Variants in RAD50 observed in about 807,000 individuals in gnomAD.
The protein encoded by RAD50 is DNA repair protein RAD50.
In RAD50, 132 loss-of-function variants were observed where a neutral mutation model predicts 168.8. That is an observed-to-expected ratio of 0.78 (90% CI 0.68 to 0.90). The LOEUF (loss-of-function observed/expected upper bound fraction) is 0.90. Ranked by LOEUF, RAD50 falls within the 40% of genes least tolerant of loss-of-function variation. The pLI is 0.00. For synonymous variants in RAD50, 525 were observed against 497.4 expected (o/e 1.06, Z -0.74); for missense variants, 1,347 against 1,534.4 (o/e 0.88, Z 2.04).
At chr5:132,635,444 T>A (rs1476098043) in intron 21 of RAD50, among the ~76,000 whole-genome samples, 1 of 152,220 alleles carries the variant, frequency 6.6e-6, no homozygotes, top group Non-Finnish European at 1.5e-5. Context: ...GAAGATGAGT[T>A]AATGGTCCGT....
intron 21 of RAD50, among the ~76,000 whole-genome samples, chr5:132,632,508 A>G (rs541763870): frequency 6.6e-6 from 1 of 152,262 alleles, no homozygotes; most frequent in South Asian, 2.1e-4. Flanking sequence ...TAACGTGGTG[A>G]TAATCTTTTA....
rs759753449 is a variant in RAD50, at chr5:132,638,093, T to C, written c.3488T>C (p.Ile1163Thr). The change falls in exon 23 of 25, where the codon ATA (isoleucine) becomes ACA (threonine). Residue 1163 changes from isoleucine to threonine, a missense_variant. By Grantham distance (89) the Ile-to-Thr change is moderately conservative. Around this residue, in one of 3 missense-constraint regions of RAD50, gnomAD observed 635 missense variants for 739.2 expected, o/e 0.86. Coordinates refer to ENST00000378823, the MANE Select transcript of RAD50 (RefSeq NM_005732.4). Reference sequence around the variant, plus strand: ...CTTCCTGTGTCAGATATTGAATACATAGAAATACGGTCTGATGCCGATGAA... The same window carrying C: ...CTTCCTGTGTCAGATATTGAATACACAGAAATACGGTCTGATGCCGATGAA... Reference protein sequence around the residue: ...STYRGQDIEYIEIRSDADENV... With the variant: ...STYRGQDIEYTEIRSDADENV... 6.8e-6 allele frequency: 11 copies of C among 1,613,986 alleles called. No homozygotes were observed. The highest frequency in any genetic ancestry group is 3.3e-5 in the Admixed American group (2 of 60,006).
At chr5:132,606,704 G>A (rs573010230) in intron 16 of RAD50, among the ~76,000 whole-genome samples, 230 of 152,228 alleles carry the variant, frequency 1.5e-3, no homozygotes, top group African/African-American at 5.4e-3. Flanking sequence ...GATGAACATC[G>A]ATGCAAAAAT....
chr5:132,637,154 C>T lies in RAD50; in HGVS notation c.3429C>T (p.Ile1143=). 1 of 1,611,748 alleles carries T rather than the reference C, an allele frequency of 6.2e-7. No homozygotes were observed. The highest frequency in any genetic ancestry group is 8.5e-7 in the Non-Finnish European group (1 of 1,178,726). ...MKFHSMKMEE[I]NKIIRDLWRS... Reference sequence around the variant, plus strand: ...TTCACAGTATGAAAATGGAAGAAATCAATAAAATTATACGTGACCTGTGGC... The same window carrying T: ...TTCACAGTATGAAAATGGAAGAAATTAATAAAATTATACGTGACCTGTGGC... Residue 1143 remains isoleucine, a synonymous_variant, in exon 22 of 25, where the codon ATC becomes ATT. Transcript: ENST00000378823.
chr5:132,643,499 A>G lies in RAD50; in HGVS notation c.*1135A>G, dbSNP rs1180128357. ...TGGTTTTGTGCCATCTGTAGCTATA[A>G]TGAGCATGTTTGCCTAGACAGCTTT... On this transcript the variant is annotated 3_prime_UTR_variant, in exon 25 of 25. Transcript: ENST00000378823. 3 of 231,872 alleles carry G rather than the reference A, an allele frequency of 1.3e-5. No individual in the cohort carries two copies. The highest frequency in any genetic ancestry group is 6.1e-5 in the East Asian group (1 of 16,362). The allele number at this position is 231,872 out of a possible 1,614,324, so 14.4% of individuals were successfully genotyped here. A position where few individuals can be genotyped will look rare whatever the true frequency, so the allele number is the denominator to read the frequency against.
At chr5:132,589,213 T>C (rs1047875611) in intron 8 of RAD50, among the ~76,000 whole-genome samples, 1 of 152,228 alleles carries the variant, frequency 6.6e-6, no homozygotes, top group African/African-American at 2.4e-5. Context: ...CCACATGTTT[T>C]GGTCAGTGAT....
At chr5:132,599,624 T>A (rs1279491114) in intron 13 of RAD50, among the ~76,000 whole-genome samples, 1 of 152,130 alleles carries the variant, frequency 6.6e-6, no homozygotes, top group African/African-American at 2.4e-5. Flanking sequence ...TGTGATTGAT[T>A]ATAGCTCATC....
In RAD50 at chr5:132,635,669, G is replaced by T. The variant is rs112045458; in HGVS notation, c.3390-1446G>T. Among the ~76,000 whole-genome samples, 1,474 of 152,274 alleles carry T rather than the reference G, an allele frequency of 9.7e-3. 26 individuals are homozygous for T. Among genetic ancestry groups the T allele is most frequent in the African/African-American group, 0.032 (1,341 of 41,548 alleles). On this transcript the variant is annotated intron_variant, in intron 21 of 24. Coordinates refer to ENST00000378823, the MANE Select transcript of RAD50 (RefSeq NM_005732.4). ...TGGAGCTTGTTCTCCACATTAGAAT[G>T]CTTATGTTAGTTTTTGAAGATTTTT... is the stretch of plus-strand genomic sequence containing the variant.
Position 132,588,742 on chromosome 5 carries a change from A to T in RAD50, c.1107A>T (p.Ser369=), listed in dbSNP as rs1237225997. ...AAGAACATATCCGAGCTAGAGATTCATTAATTCAGTCTTTGGCAACACAGC... is the reference window on the plus strand; with the variant it reads ...AAGAACATATCCGAGCTAGAGATTCTTTAATTCAGTCTTTGGCAACACAGC... ...RHQEHIRARD[S]LIQSLATQLE... The change falls in exon 8 of 25, where the codon TCA becomes TCT. Residue 369 remains serine (S), a synonymous_variant. Coordinates refer to ENST00000378823, the MANE Select transcript of RAD50 (RefSeq NM_005732.4). 2 of 1,613,884 alleles carry T rather than the reference A, an allele frequency of 1.2e-6. No individual in the cohort carries two copies. The highest frequency in any genetic ancestry group is 1.7e-6 in the Non-Finnish European group (2 of 1,179,980).
chr5:132,564,223 A>G (rs1359285715), intron 2 of RAD50, among the ~76,000 whole-genome samples: 1 of 152,242 alleles, frequency 6.6e-6, no homozygotes, highest in African/African-American at 2.4e-5. Context: ...AGACAGGAAG[A>G]TGAGGAAAAG....
At chr5:132,577,339 A>T (rs559766558) in intron 3 of RAD50, among the ~76,000 whole-genome samples, 1 of 152,314 alleles carries the variant, frequency 6.6e-6, no homozygotes, top group South Asian at 2.1e-4. Context: ...CATCCAAATA[A>T]TCCAGGATAG....
At position 132,603,016 on chromosome 5, in the gene RAD50, T is replaced by C. The variant is rs567036305; in HGVS notation, c.2208-284T>C. ...AGGCAGAAAGTTGAGAAGCAAGATA[T>C]TTACATAGTCTCAACATTTCTCTCC... On this transcript the variant is annotated intron_variant, in intron 13 of 24. Transcript: ENST00000378823. Among the ~76,000 whole-genome samples, 4 of 152,202 alleles carry C rather than the reference T, an allele frequency of 2.6e-5. No individual in the cohort carries two copies. The South Asian group carries it at 6.2e-4, about 24-fold the overall frequency.
At chr5:132,620,614 AT>A (rs1207401816) in intron 21 of RAD50, among the ~76,000 whole-genome samples, 1 of 151,506 alleles carries the variant, frequency 6.6e-6, no homozygotes, top group Non-Finnish European at 1.5e-5. Context: ...AGATGGATTT[AT>A]TTTTCTTGAC....
chr5:132,610,770 G>C lies in RAD50; in HGVS notation c.3036+1374G>C, dbSNP rs116355752. 5.3e-3 allele frequency among the ~76,000 whole-genome samples: 799 copies of C among 152,188 alleles called. 2 individuals carry two copies. Among genetic ancestry groups the C allele is most frequent in the Non-Finnish European group, 8.2e-3 (557 of 68,000 alleles). On this transcript the variant is annotated intron_variant, in intron 19 of 24. Coordinates refer to ENST00000378823, the MANE Select transcript of RAD50 (RefSeq NM_005732.4). ...AATAATTATCACTAGCTTTTATGTAGTTGCCTATATAAAAATCACAATCTG... is the reference window on the plus strand; with the variant it reads ...AATAATTATCACTAGCTTTTATGTACTTGCCTATATAAAAATCACAATCTG...
At chr5:132,589,998 CTT>C (rs1332672272) in intron 9 of RAD50, among the ~76,000 whole-genome samples, 161 bp downstream of exon 9, 1 of 152,154 alleles carries the variant, frequency 6.6e-6, no homozygotes, top group African/African-American at 2.4e-5. Context: ...TCTTCTGACT[CTT>C]TGGTTCTACA....
At position 132,579,564 on chromosome 5, in the gene RAD50, G is replaced by T. The variant is rs186569162; in HGVS notation, c.551+62G>T. On this transcript the variant is annotated intron_variant, in intron 4 of 24. Coordinates refer to ENST00000378823, the MANE Select transcript of RAD50 (RefSeq NM_005732.4). ...GTTATTGAACTGTGTTTGCAATTTG[G>T]ATGCTTCTTTTTAACAGAAAAAATT... 61 of 1,521,844 alleles carry T rather than the reference G, an allele frequency of 4.0e-5. No individual in the cohort carries two copies. In the Admixed American group the frequency reaches 6.4e-4, roughly 16 times the overall value. The allele number at this position is 1,521,844 out of a possible 1,614,324, so 94.3% of individuals were successfully genotyped here. A position where few individuals can be genotyped will look rare whatever the true frequency, so the allele number is the denominator to read the frequency against.
At position 132,642,192 on chromosome 5, in the gene RAD50, G is replaced by A. The variant is rs786203127; in HGVS notation, c.3767G>A (p.Arg1256His). The change falls in exon 25 of 25, where the codon CGC becomes CAC. Residue 1256 changes from arginine (R) to histidine (H), a missense_variant. Physicochemically the swap from Arg to His is conservative, Grantham distance 29. Transcript: ENST00000378823. ...AHALVEIIKS[R>H]SQQRNFQLLV... ...TATTGTTGCAGGATAATAAAAAGTCGCTCACAGCAGCGTAACTTCCAGCTT... is the reference window on the plus strand; with the variant it reads ...TATTGTTGCAGGATAATAAAAAGTCACTCACAGCAGCGTAACTTCCAGCTT... The A allele has an allele frequency of 1.1e-5, 17 of 1,613,914 alleles. No individual in the cohort carries two copies. Among genetic ancestry groups the A allele is most frequent in the Non-Finnish European group, 1.4e-5 (17 of 1,179,788 alleles).
At position 132,638,073 on chromosome 5, in the gene RAD50, T is replaced by G. The variant is rs2149863419; in HGVS notation, c.3476-8T>G. On this transcript the variant is annotated splice_polypyrimidine_tract_variant and splice_region_variant and intron_variant, in intron 22 of 24. Transcript: ENST00000378823. The stretch of plus-strand genomic sequence containing the variant: ...GGTTCCTCTAAAATATTCTTCTTCC[T>G]GTGTCAGATATTGAATACATAGAAA... 1 of 1,613,722 alleles carries G rather than the reference T, an allele frequency of 6.2e-7. No individual in the cohort carries two copies. Among genetic ancestry groups the G allele is most frequent in the Middle Eastern group, 1.7e-4 (1 of 6,054 alleles).
At chr5:132,572,222 T>G (rs891776085) in intron 2 of RAD50, among the ~76,000 whole-genome samples, 1 of 152,328 alleles carries the variant, frequency 6.6e-6, no homozygotes, top group Middle Eastern at 3.4e-3. Flanking sequence ...TGAATAGTTA[T>G]TCATTCCTGA....
Sources: gnomAD v4.1 joint callset for allele counts (sites outside exome capture counted in the v4.1 genomes callset) on GRCh38, gnomAD v4.1.1 for gene constraint, gnomAD v4.1.1 regional missense constraint, MANE v1.5 for transcripts, NCBI Gene and HGNC (gene_info 2026-07-23, HGNC 2026-07-21) for gene names.